SLC24A4: variants seen among roughly 807,000 people sequenced by gnomAD.
The protein encoded by SLC24A4 is solute carrier family 24 member 4.
In SLC24A4, 53 loss-of-function variants were observed where a neutral mutation model predicts 79.0. That is an observed-to-expected ratio of 0.67 (90% confidence interval 0.54 to 0.84). The LOEUF is 0.84. Among genes scored for constraint, SLC24A4 ranks in the 40% least tolerant of loss-of-function variants. The pLI is 0.00. For missense variants in SLC24A4, 731 were observed against 822.0 expected (o/e 0.89, Z 1.35); for synonymous variants, 323 against 323.8 (o/e 1.00, Z 0.03).
intron 2 of SLC24A4, among the ~76,000 whole-genome samples, chr14:92,375,876 A>G (rs937836323): frequency 1.3e-5 from 2 of 152,172 alleles, no homozygotes; most frequent in African/African-American, 4.8e-5. Flanking sequence ...TGAGGAAAAT[A>G]TTTGCAACAA....
intron 2 of SLC24A4, among the ~76,000 whole-genome samples, chr14:92,365,647 C>A (rs1887792940): frequency 6.6e-6 from 1 of 152,316 alleles, no homozygotes; most frequent in Middle Eastern, 3.4e-3. Context: ...TCCCCAGGGC[C>A]TGCGAGTCAC....
At chr14:92,482,600 A>C in intron 12 of SLC24A4, 80 bp from the exon 13 acceptor site, 2 of 1,384,492 alleles carry the variant, frequency 1.4e-6, no homozygotes, top group Non-Finnish European at 2.0e-6. Context: ...TGAAGACTAA[A>C]TCGACAGGTA....
Position 92,449,779 on chromosome 14 carries a change from G to T in SLC24A4, c.880+563G>T, listed in dbSNP as rs529211130. Among the ~76,000 whole-genome samples the T allele has an allele frequency of 1.0e-3, 156 of 152,330 alleles. 3 individuals are homozygous for T. The South Asian group carries it at 0.03, about 29-fold the overall frequency. ...CCCCAGGCCAGCCTCAGACAGCCCC[G>T]CCGGGGAGCCCCTTCCCCTGGGGCA... On this transcript the variant is annotated intron_variant, in intron 10 of 16. Coordinates refer to ENST00000532405, the MANE Select transcript of SLC24A4 (RefSeq NM_153646.4).
chr14:92,463,391 G>C (rs148287909), intron 12 of SLC24A4, among the ~76,000 whole-genome samples: 3 of 152,248 alleles, frequency 2.0e-5, no homozygotes, highest in African/African-American at 7.2e-5. Flanking sequence ...GATGCTGTGG[G>C]CTCATTTACA....
intron 2 of SLC24A4, among the ~76,000 whole-genome samples, chr14:92,404,344 C>T (rs2141771341): frequency 6.6e-6 from 1 of 152,320 alleles, no homozygotes; most frequent in African/African-American, 2.4e-5. Context: ...TTTGCTTAAA[C>T]TGTCCAGACC....
At chr14:92,343,642 C>CCTTCCTTCCTTCCT (rs1886324683) in intron 2 of SLC24A4, among the ~76,000 whole-genome samples, 11 of 46,368 alleles carry the variant, frequency 2.4e-4, no homozygotes, top group East Asian at 6.8e-4. Flanking sequence ...CTTTCTTTCT[C>CCTTCCTTCCTTCCT]TCTTTCCTTC....
intron 2 of SLC24A4, among the ~76,000 whole-genome samples, chr14:92,387,822 G>A (rs1889249958): frequency 6.6e-6 from 1 of 152,192 alleles, no homozygotes; most frequent in African/African-American, 2.4e-5. Context: ...TTGTTCTTTT[G>A]TGACCAGCGT....
chr14:92,349,199 G>A (rs1033995276), intron 2 of SLC24A4, among the ~76,000 whole-genome samples: 9 of 149,568 alleles, frequency 6.0e-5, no homozygotes, highest in Non-Finnish European at 1.2e-4. Flanking sequence ...TTGCTCTGTC[G>A]CCAAGGCTGG....
intron 2 of SLC24A4, among the ~76,000 whole-genome samples, chr14:92,405,274 A>G (rs1890314217): frequency 6.6e-6 from 1 of 152,198 alleles, no homozygotes. Flanking sequence ...CAGAGAAATG[A>G]TGGGTAAATT....
chr14:92,430,939 C>T (rs952920405), intron 2 of SLC24A4, among the ~76,000 whole-genome samples: 10 of 152,234 alleles, frequency 6.6e-5, no homozygotes, highest in Admixed American at 6.5e-5. Context: ...AGGCTCAGCC[C>T]CCTCAGACAC....
intron 2 of SLC24A4, among the ~76,000 whole-genome samples, chr14:92,361,283 A>AT (rs11337954): frequency 0.012 from 1,694 of 138,708 alleles, 33 homozygotes; most frequent in African/African-American, 0.042. Context: ...GCTAACAACT[A>AT]TTTTTTTTTT....
chr14:92,365,365 G>A (rs1444809586), intron 2 of SLC24A4, among the ~76,000 whole-genome samples: 1 of 152,244 alleles, frequency 6.6e-6, no homozygotes, highest in Non-Finnish European at 1.5e-5. Context: ...CCTGGTCCTT[G>A]TTTTAGAGCA....
chr14:92,343,583 T>C (rs949208503), intron 2 of SLC24A4, among the ~76,000 whole-genome samples: 2 of 67,732 alleles, frequency 3.0e-5, no homozygotes, highest in Non-Finnish European at 6.1e-5. Flanking sequence ...ATTACTGTTT[T>C]CTTTCTTTCT....
intron 16 of SLC24A4, chr14:92,493,046 A>T: frequency 2.6e-6 from 1 of 383,890 alleles, no homozygotes. Flanking sequence ...CCAGGGGTCC[A>T]TAGGAGCCTT....
intron 3 of SLC24A4, among the ~76,000 whole-genome samples, chr14:92,437,521 C>T (rs1306715056): frequency 6.6e-6 from 1 of 152,202 alleles, no homozygotes; most frequent in East Asian, 1.9e-4. Flanking sequence ...CTTACTTCGT[C>T]ATGAGACAGA....
At position 92,490,266 on chromosome 14, in the gene SLC24A4, T is replaced by C. The variant is rs1895610505; in HGVS notation, c.1538-1399T>C. On this transcript the variant is annotated intron_variant, in intron 14 of 16. Coordinates refer to ENST00000532405, the MANE Select transcript of SLC24A4 (RefSeq NM_153646.4). This position sits in a 1 kb window ranked among gnomAD's most constrained non-coding sequence, Gnocchi z 4.3. ...TATGTGTGCCAGGTTAGGACAGTGG[T>C]GTGGAAGTATGGCTCAGTGGCCGGG... is the stretch of plus-strand genomic sequence containing the variant. 6.6e-6 allele frequency among the ~76,000 whole-genome samples: 1 copy of C among 152,174 alleles called. No individual in the cohort carries two copies. The highest frequency in any genetic ancestry group is 2.1e-4 in the South Asian group (1 of 4,836).
intron 2 of SLC24A4, among the ~76,000 whole-genome samples, chr14:92,346,637 T>C (rs1886549567): frequency 6.6e-6 from 1 of 152,208 alleles, no homozygotes; most frequent in Non-Finnish European, 1.5e-5. Context: ...TAGTTGTACT[T>C]GTGAAAAGGG....
At chr14:92,387,289 G>C (rs1889218455) in intron 2 of SLC24A4, among the ~76,000 whole-genome samples, 1 of 151,682 alleles carries the variant, frequency 6.6e-6, no homozygotes, top group African/African-American at 2.4e-5. Flanking sequence ...CGATTCTCCT[G>C]CCTCAGCCTC....
chr14:92,403,693 C>T (rs1167879057), intron 2 of SLC24A4, among the ~76,000 whole-genome samples: 1 of 152,040 alleles, frequency 6.6e-6, no homozygotes, highest in East Asian at 1.9e-4. Context: ...ATTGCCTTCC[C>T]CCCTTCTAGA....
Sources: gnomAD v4.1 joint callset for allele counts (sites outside exome capture counted in the v4.1 genomes callset) on GRCh38, gnomAD v4.1.1 for gene constraint, Gnocchi (gnomAD v3.1) non-coding constraint, MANE v1.5 for transcripts, NCBI Gene and HGNC (gene_info 2026-07-23, HGNC 2026-07-21) for gene names.